Variants in FABP3 observed in about 807,000 individuals in gnomAD.
FABP3 encodes fatty acid-binding protein, heart.
In FABP3, 8 loss-of-function variants were observed where a neutral mutation model predicts 13.4. The ratio of observed to expected loss-of-function variants is 0.60; its 90% CI spans 0.35 to 1.07. The LOEUF (loss-of-function observed/expected upper bound fraction) is 1.07, where lower values mean the gene tolerates loss of function less well. Ranked by LOEUF, FABP3 falls within the 50% of genes least tolerant of loss-of-function variation. The probability of loss-of-function intolerance (pLI) is 0.02; values close to 1 mark genes in which losing one functional copy is unlikely to be tolerated. For missense variants in FABP3, 135 were observed against 164.7 expected (o/e 0.82, Z 0.99); for synonymous variants, 64 against 60.0 (o/e 1.07, Z -0.31).
chr1:31,364,406 G>A, downstream of FABP3: 1 of 797,232 alleles, frequency 1.3e-6, no homozygotes, highest in Non-Finnish European at 1.9e-6. Context: ...ATCACTCCTG[G>A]TCCCTTTGCA....
At chr1:31,364,081 G>C (rs752419855), downstream of FABP3, 6 of 1,613,822 alleles carry the variant, frequency 3.7e-6, no homozygotes, top group Non-Finnish European at 5.1e-6. Context: ...GACTCTGACA[G>C]CTCAGACTCT....
downstream of FABP3, chr1:31,364,219 TGA>T: frequency 6.3e-7 from 1 of 1,596,690 alleles, no homozygotes; most frequent in Non-Finnish European, 8.5e-7. Context: ...AGGGGGTGGT[TGA>T]GAGTAAGAAA....
At chr1:31,364,050 CATAGAG>C (rs1640035636), downstream of FABP3, 1 of 1,611,458 alleles carries the variant, frequency 6.2e-7, no homozygotes, top group South Asian at 1.1e-5. Flanking sequence ...GAAAAAGAAA[CATAGAG>C]ATAGGAAGTC....
intron 2 of FABP3, 193 bp downstream of exon 2, chr1:31,369,190 CAA>C (rs1283451775): frequency 3.6e-5 from 22 of 611,646 alleles, no homozygotes; most frequent in Non-Finnish European, 5.7e-5. Flanking sequence ...GGGAAGAAAA[CAA>C]GAGGACAGAA....
downstream of FABP3, chr1:31,364,423 C>T: frequency 1.6e-6 from 1 of 625,088 alleles, no homozygotes; most frequent in Non-Finnish European, 2.6e-6. Flanking sequence ...TGCAAGTGAA[C>T]CCTGCAGCTC....
downstream of FABP3, among the ~76,000 whole-genome samples, chr1:31,363,848 A>G (rs1640024969): frequency 6.6e-6 from 1 of 152,074 alleles, no homozygotes; most frequent in South Asian, 2.1e-4. Flanking sequence ...CTCTTTTTAG[A>G]GATGAGATCT....
chr1:31,365,768 C>G lies in FABP3; in HGVS notation c.*118G>C, dbSNP rs1640095198. The G allele has an allele frequency of 1.5e-5, 14 of 951,506 alleles. No homozygotes were observed. In the South Asian group the frequency reaches 1.9e-4, roughly 13 times the overall value. The allele number at this position is 951,506 out of a possible 1,614,324, so 58.9% of individuals were successfully genotyped here. The stretch of plus-strand genomic sequence containing the variant: ...GGAACTGGATCCCGGTCAGTGGCAC[C>G]TGACCCCAGAAGAATTCGTGGATTT... On this transcript the variant is annotated 3_prime_UTR_variant, in exon 4 of 4. Coordinates refer to ENST00000373713, the MANE Select transcript of FABP3 (RefSeq NM_004102.5).
At chr1:31,364,348 G>T, downstream of FABP3, 3 of 1,344,126 alleles carry the variant, frequency 2.2e-6, no homozygotes, top group Non-Finnish European at 3.0e-6. Flanking sequence ...AGGCAGGTTT[G>T]GGAGTTAGAG....
intron 1 of FABP3, among the ~76,000 whole-genome samples, chr1:31,369,766 A>C (rs1569978324): frequency 1.3e-5 from 2 of 152,206 alleles, no homozygotes; most frequent in East Asian, 3.8e-4. Flanking sequence ...GAGATACTTA[A>C]GGAACAGCAG....
At chr1:31,369,264 A>T in intron 2 of FABP3, 121 bp downstream of exon 2, 1 of 1,051,326 alleles carries the variant, frequency 9.5e-7, no homozygotes. Context: ...ATCTTGTTTC[A>T]TTTAAATTCC....
chr1:31,367,384 C>T lies in FABP3; in HGVS notation c.348+9G>A. 1 of 1,610,580 alleles carries T rather than the reference C, an allele frequency of 6.2e-7. No homozygotes were observed. The highest frequency in any genetic ancestry group is 8.5e-7 in the Non-Finnish European group (1 of 1,176,804). Reference sequence around the variant, plus strand: ...CAATCAGATATAGCTCCAAAGTTGCCCATCTTACCAGGATGAGTTTTCCAT... The same window carrying T: ...CAATCAGATATAGCTCCAAAGTTGCTCATCTTACCAGGATGAGTTTTCCAT... On this transcript the variant is annotated intron_variant, in intron 3 of 3. Transcript: ENST00000373713.
At chr1:31,364,106 C>T, downstream of FABP3, 1 of 1,613,660 alleles carries the variant, frequency 6.2e-7, no homozygotes, top group East Asian at 2.2e-5. Context: ...GTGATACAGG[C>T]AAGAGGGCAA....
downstream of FABP3, among the ~76,000 whole-genome samples, chr1:31,360,477 A>G (rs1197082835): frequency 6.6e-6 from 1 of 152,220 alleles, no homozygotes; most frequent in Non-Finnish European, 1.5e-5. Context: ...GCGAACTACA[A>G]CTTCGGATGT....
Position 31,365,879 on chromosome 1 carries a change from A to G in FABP3, c.*7T>C, listed in dbSNP as rs1454144033. 6 of 1,613,780 alleles carry G rather than the reference A, an allele frequency of 3.7e-6. No individual in the cohort carries two copies. Among genetic ancestry groups the G allele is most frequent in the Non-Finnish European group, 5.1e-6 (6 of 1,179,860 alleles). On this transcript the variant is annotated 3_prime_UTR_variant, in exon 4 of 4. Coordinates refer to ENST00000373713, the MANE Select transcript of FABP3 (RefSeq NM_004102.5). ...GCAGAGTAGTAGTCAGCAACAGTGC[A>G]GTCAGGTCATGCCTCTTTCTCATAA...
chr1:31,371,280 C>A (rs1640203910), intron 1 of FABP3, among the ~76,000 whole-genome samples: 1 of 152,230 alleles, frequency 6.6e-6, no homozygotes, highest in African/African-American at 2.4e-5. Context: ...GCCAATCACA[C>A]TCCCTTGCAC....
chr1:31,359,648 G>GT, the FABP3 span, among the ~76,000 whole-genome samples: 1 of 152,098 alleles, frequency 6.6e-6, no homozygotes, highest in Non-Finnish European at 1.5e-5. Flanking sequence ...CTGCTATCCT[G>GT]TTTCAGAACT....
chr1:31,371,878 C>T (rs948431019), intron 1 of FABP3, among the ~76,000 whole-genome samples: 7 of 152,230 alleles, frequency 4.6e-5, no homozygotes, highest in Non-Finnish European at 4.4e-5. Context: ...TGAGGTCAAT[C>T]ATTAGCTAAG....
chr1:31,363,967 A>G, downstream of FABP3: 3 of 1,573,894 alleles, frequency 1.9e-6, no homozygotes, highest in South Asian at 2.4e-5. Flanking sequence ...CTGGCCAATT[A>G]TGTGCTATGA....
the FABP3 span, among the ~76,000 whole-genome samples, chr1:31,359,982 C>T: frequency 7.0e-6 from 1 of 142,374 alleles, no homozygotes; most frequent in Admixed American, 6.8e-5. Context: ...TGAACTACAA[C>T]CTTTTTTTTT....
Sources: allele counts gnomAD v4.1 joint callset (sites outside exome capture counted in the v4.1 genomes callset), GRCh38; gene constraint gnomAD v4.1.1; transcripts MANE v1.5; gene names NCBI Gene and HGNC (gene_info 2026-07-23, HGNC 2026-07-21).